Variants in STPG4 observed in about 807,000 individuals in gnomAD.
STPG4 encodes protein STPG4.
In STPG4, 41 loss-of-function variants were observed where a neutral mutation model predicts 31.5. The observed-to-expected ratio is 1.30, with a 90% CI of 1.01 to 1.69. The LOEUF (loss-of-function observed/expected upper bound fraction) is 1.69, where lower values mean the gene tolerates loss of function less well. Among genes scored for constraint, STPG4 ranks in the 40% most tolerant of loss-of-function variants. The pLI, the probability that STPG4 is intolerant of heterozygous loss-of-function variation, is 0.00. For synonymous variants in STPG4, 141 were observed against 103.0 expected (o/e 1.37, Z -2.24); for missense variants, 375 against 293.4 (o/e 1.28, Z -2.03).
At chr2:47,121,918 A>G (rs1368549057) in intron 5 of STPG4, among the ~76,000 whole-genome samples, 3 of 150,028 alleles carry the variant, frequency 2.0e-5, no homozygotes, top group African/African-American at 7.4e-5. Context: ...CCTGGAGTAC[A>G]GGATAATCTC....
intron 3 of STPG4, among the ~76,000 whole-genome samples, chr2:47,149,431 C>G (rs1686894643): frequency 1.3e-5 from 2 of 152,174 alleles, no homozygotes; most frequent in East Asian, 3.9e-4. Context: ...ATAGCCAGAA[C>G]AATTTCACAC....
chr2:47,127,128 T>G (rs941443515), intron 5 of STPG4, among the ~76,000 whole-genome samples: 1 of 152,092 alleles, frequency 6.6e-6, no homozygotes, highest in Non-Finnish European at 1.5e-5. Flanking sequence ...TCTATCTCTT[T>G]AAGGCCAATA....
intron 5 of STPG4, among the ~76,000 whole-genome samples, chr2:47,102,562 G>C (rs552367007): frequency 6.6e-6 from 1 of 151,916 alleles, no homozygotes; most frequent in South Asian, 2.1e-4. Context: ...TTCATTGAGA[G>C]AGAATACACA....
chr2:47,109,618 TC>T (rs959976436), intron 5 of STPG4, among the ~76,000 whole-genome samples: 1 of 152,032 alleles, frequency 6.6e-6, no homozygotes, highest in African/African-American at 2.4e-5. Flanking sequence ...GTTATATTTT[TC>T]CCAAAATGTT....
chr2:47,089,959 C>T (rs962880018), intron 6 of STPG4, among the ~76,000 whole-genome samples: 10 of 152,166 alleles, frequency 6.6e-5, no homozygotes, highest in South Asian at 2.1e-4. Flanking sequence ...CTGCAGGTAC[C>T]CCCAACAAAG....
intron 5 of STPG4, among the ~76,000 whole-genome samples, chr2:47,098,173 T>C (rs1685712848): frequency 1.3e-5 from 2 of 152,176 alleles, no homozygotes; most frequent in Admixed American, 1.3e-4. Flanking sequence ...TGGGTGCTGG[T>C]CTTCCAGGCC....
chr2:47,149,239 C>G (rs1033127718), intron 3 of STPG4, among the ~76,000 whole-genome samples: 7 of 152,164 alleles, frequency 4.6e-5, no homozygotes, highest in Non-Finnish European at 1.0e-4. Context: ...TTTATCCATC[C>G]TTCCGAGTAA....
intron 5 of STPG4, among the ~76,000 whole-genome samples, chr2:47,111,752 T>C (rs1686039821): frequency 6.6e-6 from 1 of 152,200 alleles, no homozygotes; most frequent in Admixed American, 6.5e-5. Flanking sequence ...GATACTCTCC[T>C]CACAGACTTT....
At chr2:47,134,498 A>G (rs1686557754) in intron 3 of STPG4, among the ~76,000 whole-genome samples, 1 of 152,116 alleles carries the variant, frequency 6.6e-6, no homozygotes, top group African/African-American at 2.4e-5. Context: ...CGTGATATGC[A>G]TTTATGTTTC....
At chr2:47,101,542 C>G (rs531831354) in intron 5 of STPG4, among the ~76,000 whole-genome samples, 13 of 151,854 alleles carry the variant, frequency 8.6e-5, no homozygotes, top group Non-Finnish European at 1.8e-4. Flanking sequence ...AAATTGCTAC[C>G]TGTCTCTGGT....
chr2:47,116,317 C>G (rs935612274), intron 5 of STPG4, among the ~76,000 whole-genome samples: 1 of 152,168 alleles, frequency 6.6e-6, no homozygotes, highest in Non-Finnish European at 1.5e-5. Flanking sequence ...AGCGGTTTAT[C>G]CCACATAAAC....
At chr2:47,093,421 A>C (rs907214026) in intron 5 of STPG4, among the ~76,000 whole-genome samples, 28 of 152,226 alleles carry the variant, frequency 1.8e-4, no homozygotes, top group African/African-American at 6.5e-4. Flanking sequence ...GAAAATCTGC[A>C]CAGGAACAGT....
At chr2:47,105,516 G>C (rs532423740) in intron 5 of STPG4, among the ~76,000 whole-genome samples, 41 of 152,146 alleles carry the variant, frequency 2.7e-4, no homozygotes, top group South Asian at 2.3e-3. Flanking sequence ...TTCTCCCAGA[G>C]GATGGGGAAC....
At chr2:47,103,416 A>C (rs1274063717) in intron 5 of STPG4, among the ~76,000 whole-genome samples, 1 of 151,878 alleles carries the variant, frequency 6.6e-6, no homozygotes, top group African/African-American at 2.4e-5. Context: ...GGCCCTGAAC[A>C]AATTCTAGAG....
chr2:47,104,898 A>G (rs1441002512), intron 5 of STPG4, among the ~76,000 whole-genome samples: 1 of 151,966 alleles, frequency 6.6e-6, no homozygotes, highest in Non-Finnish European at 1.5e-5. Context: ...GCAAGGAACA[A>G]ATACAGCCTA....
chr2:47,130,297 G>C (rs1458677150), intron 3 of STPG4, 37 bp from the exon 4 acceptor site: 1 of 1,562,046 alleles, frequency 6.4e-7, no homozygotes, highest in South Asian at 1.1e-5. Flanking sequence ...TAGATTAATA[G>C]AGGTTGTAAA....
At chr2:47,094,139 C>A (rs904878974) in intron 5 of STPG4, among the ~76,000 whole-genome samples, 2 of 152,182 alleles carry the variant, frequency 1.3e-5, no homozygotes, top group Non-Finnish European at 2.9e-5. Flanking sequence ...GTGTATGATA[C>A]GTGTGCAGAG....
chr2:47,125,527 G>A (rs1343596056), intron 5 of STPG4, among the ~76,000 whole-genome samples: 1 of 152,106 alleles, frequency 6.6e-6, no homozygotes, highest in African/African-American at 2.4e-5. Flanking sequence ...CCATTATGTG[G>A]GTCGTCTCTT....
intron 5 of STPG4, among the ~76,000 whole-genome samples, chr2:47,096,652 C>T (rs1268719536): frequency 1.3e-5 from 2 of 152,162 alleles, no homozygotes; most frequent in Non-Finnish European, 2.9e-5. Flanking sequence ...TTGAATGTGT[C>T]AAACCTCATT....
Sources: allele counts gnomAD v4.1 joint callset (sites outside exome capture counted in the v4.1 genomes callset), GRCh38; gene constraint gnomAD v4.1.1; transcripts MANE v1.5; gene names NCBI Gene and HGNC (gene_info 2026-07-23, HGNC 2026-07-21).